PLCH1: variants seen among roughly 807,000 people sequenced by gnomAD.
PLCH1 encodes 1-phosphatidylinositol 4,5-bisphosphate phosphodiesterase eta-1.
A neutral mutation model predicts 126.7 loss-of-function variants in PLCH1; 60 were observed. The ratio of observed to expected loss-of-function variants is 0.47; its 90% CI spans 0.38 to 0.59. PLCH1 has a LOEUF of 0.59. PLCH1 is among the 20% of genes least tolerant of loss of function. PLCH1 has a pLI of 0.00. For missense variants in PLCH1, 1,723 were observed against 2,040.0 expected (o/e 0.84, Z 2.99); for synonymous variants, 719 against 734.9 (o/e 0.98, Z 0.35).
In PLCH1 at chr3:155,666,893, G is replaced by GA. The variant is rs1742782635; in HGVS notation, c.79+37252_79+37253insT. Among the ~76,000 whole-genome samples the GA allele has an allele frequency of 2.0e-5, 3 of 148,652 alleles. 1 individual carries two copies. The South Asian group carries it at 6.4e-4, about 32-fold the overall frequency. ...AAAGGAAATGATGAGACACAGATGA[G>GA]GTGTGTGTGTGTGTGTGTGTGTGTG... On this transcript the variant is annotated intron_variant, in intron 2 of 22. Coordinates refer to ENST00000460012, the MANE Select transcript of PLCH1 (RefSeq NM_014996.4).
chr3:155,484,042 T>C (rs1037216048), intron 22 of PLCH1, among the ~76,000 whole-genome samples: 1 of 152,100 alleles, frequency 6.6e-6, no homozygotes, highest in Non-Finnish European at 1.5e-5. Context: ...AGACAGCCAC[T>C]GTAAGATTTT....
At chr3:155,575,882 C>T (rs1225524098) in intron 6 of PLCH1, among the ~76,000 whole-genome samples, 1 of 152,102 alleles carries the variant, frequency 6.6e-6, no homozygotes, top group Non-Finnish European at 1.5e-5. Flanking sequence ...AACTCCAGGG[C>T]TCAAGTGATC....
intron 2 of PLCH1, among the ~76,000 whole-genome samples, chr3:155,677,798 A>G (rs1434551410): frequency 1.3e-5 from 2 of 152,224 alleles, no homozygotes; most frequent in Non-Finnish European, 2.9e-5. Context: ...TGAATTAATT[A>G]GTGGTCCGAA....
At chr3:155,624,699 C>T (rs189061164) in intron 2 of PLCH1, among the ~76,000 whole-genome samples, 1 of 152,104 alleles carries the variant, frequency 6.6e-6, no homozygotes, top group African/African-American at 2.4e-5. Context: ...TGTGAAGGAC[C>T]TCTTCAAGGA....
At chr3:155,645,053 C>G (rs1389028024) in intron 2 of PLCH1, among the ~76,000 whole-genome samples, 1 of 152,144 alleles carries the variant, frequency 6.6e-6, no homozygotes, top group Non-Finnish European at 1.5e-5. Context: ...TCCTACGAGA[C>G]AGAATAGAGA....
chr3:155,510,152 GT>G, intron 12 of PLCH1, among the ~76,000 whole-genome samples: 1 of 83,996 alleles, frequency 1.2e-5, no homozygotes, highest in Admixed American at 1.2e-4. Flanking sequence ...TTTAAAGTCT[GT>G]TTTATCAGAG....
intron 1 of PLCH1, among the ~76,000 whole-genome samples, 162 bp from the exon 2 acceptor site, chr3:155,704,426 T>C (rs1474056813): frequency 6.6e-6 from 1 of 152,172 alleles, no homozygotes; most frequent in Non-Finnish European, 1.5e-5. Flanking sequence ...AAGAAATTTC[T>C]CACAAGTCTT....
At chr3:155,689,046 G>A (rs1336118909) in intron 2 of PLCH1, among the ~76,000 whole-genome samples, 2 of 152,178 alleles carry the variant, frequency 1.3e-5, no homozygotes, top group Non-Finnish European at 2.9e-5. Context: ...ACCCAGCACA[G>A]TCCCAGTGGT....
intron 1 of PLCH1, among the ~76,000 whole-genome samples, chr3:155,744,320 C>T (rs898864949): frequency 6.6e-6 from 1 of 152,208 alleles, no homozygotes; most frequent in Non-Finnish European, 1.5e-5. Flanking sequence ...AGTATATCCT[C>T]CTCGCGCTGA....
chr3:155,676,850 A>G (rs1360375890), intron 2 of PLCH1, among the ~76,000 whole-genome samples: 1 of 152,136 alleles, frequency 6.6e-6, no homozygotes, highest in African/African-American at 2.4e-5. Context: ...TAAAAAAAAA[A>G]TCACATGCCT....
intron 2 of PLCH1, among the ~76,000 whole-genome samples, chr3:155,601,845 C>T (rs1733776334): frequency 6.6e-6 from 1 of 152,134 alleles, no homozygotes; most frequent in Admixed American, 6.5e-5. Flanking sequence ...CATTTGCAGT[C>T]ACTCCCCATT....
At chr3:155,558,625 A>G (rs1727140296) in intron 8 of PLCH1, among the ~76,000 whole-genome samples, 1 of 152,190 alleles carries the variant, frequency 6.6e-6, no homozygotes, top group Non-Finnish European at 1.5e-5. Context: ...CTCTCAAGAT[A>G]TTTTACTGTA....
intron 21 of PLCH1, among the ~76,000 whole-genome samples, chr3:155,452,150 A>G (rs1331285963): frequency 1.3e-5 from 2 of 152,176 alleles, no homozygotes; most frequent in African/African-American, 4.8e-5. Flanking sequence ...GTTCCACATG[A>G]CTGGGGAGGC....
rs866419174 is a variant in PLCH1, at chr3:155,513,921, G to A, written c.1632+802C>T. Among the ~76,000 whole-genome samples the A allele has an allele frequency of 4.6e-5, 7 of 152,262 alleles. 1 individual carries two copies. Among genetic ancestry groups the A allele is most frequent in the East Asian group, 1.9e-4 (1 of 5,172 alleles). ...CATGAACTAGGTTAACAAAACTCTC[G>A]TTTGTTAGTTGGGGCAAATATGCTG... On this transcript the variant is annotated intron_variant, in intron 12 of 22. Coordinates refer to ENST00000460012, the MANE Select transcript of PLCH1 (RefSeq NM_014996.4).
intron 1 of PLCH1, among the ~76,000 whole-genome samples, chr3:155,727,935 A>T (rs1434655888): frequency 3.3e-5 from 5 of 152,014 alleles, no homozygotes; most frequent in African/African-American, 1.2e-4. Context: ...TTAAAGCAGA[A>T]GCCTTTTGAA....
intron 21 of PLCH1, among the ~76,000 whole-genome samples, chr3:155,462,430 ATG>A (rs1712765163): frequency 6.6e-6 from 1 of 152,226 alleles, no homozygotes; most frequent in African/African-American, 2.4e-5. Context: ...AGTATCAGCT[ATG>A]ACCCTGAACC....
intron 8 of PLCH1, among the ~76,000 whole-genome samples, chr3:155,556,688 G>T (rs558829761): frequency 6.6e-6 from 1 of 152,144 alleles, no homozygotes; most frequent in African/African-American, 2.4e-5. Context: ...AGTGGGCCTC[G>T]CCCAGTCAGC....
chr3:155,547,164 A>C (rs1725428626), intron 10 of PLCH1, among the ~76,000 whole-genome samples: 1 of 147,236 alleles, frequency 6.8e-6, no homozygotes, highest in East Asian at 2.0e-4. Context: ...AATATCCAGA[A>C]TCTACAATGA....
At chr3:155,459,767 T>C (rs1304436199) in intron 21 of PLCH1, among the ~76,000 whole-genome samples, 1 of 152,172 alleles carries the variant, frequency 6.6e-6, no homozygotes, top group Non-Finnish European at 1.5e-5. Context: ...CAGGTGGATG[T>C]AATGACCATA....
Sources: gnomAD v4.1 joint callset for allele counts (sites outside exome capture counted in the v4.1 genomes callset) on GRCh38, gnomAD v4.1.1 for gene constraint, MANE v1.5 for transcripts, NCBI Gene and HGNC (gene_info 2026-07-23, HGNC 2026-07-21) for gene names.